Variants in GNAQ observed in about 807,000 individuals in gnomAD.
GNAQ encodes the protein G protein subunit alpha q.
Under a neutral mutation model 43.9 loss-of-function variants are expected in GNAQ, and 8 were observed. The ratio of observed to expected loss-of-function variants is 0.18; its 90% CI spans 0.11 to 0.33. The LOEUF (loss-of-function observed/expected upper bound fraction) is 0.33. GNAQ is among the 10% of genes least tolerant of loss of function. GNAQ has a pLI of 1.00. For missense variants in GNAQ, 158 were observed against 450.8 expected, an observed-to-expected ratio of 0.35 and a Z score of 5.88; for synonymous variants, 155 against 170.7, an observed-to-expected ratio of 0.91 and a Z score of 0.71.
At position 77,833,939 on chromosome 9, in the gene GNAQ, C is replaced by T. The variant is rs571614654; in HGVS notation, c.322-18169G>A. Among the ~76,000 whole-genome samples the T allele has an allele frequency of 4.6e-5, 7 of 152,150 alleles. No individual in the cohort carries two copies. The South Asian group carries it at 1.2e-3, about 27-fold the overall frequency. ...AGACAGTTTCCAAAATTCCCACAGT[C>T]TGATAAAATTAAAACCACATGGAAA... is the stretch of plus-strand genomic sequence containing the variant. On this transcript the variant is annotated intron_variant, in intron 2 of 6. Transcript: ENST00000286548.
chr9:77,814,978 G>C (rs1173849651), intron 3 of GNAQ, among the ~76,000 whole-genome samples: 2 of 152,214 alleles, frequency 1.3e-5, no homozygotes. Context: ...TTCTAGAGAA[G>C]TAATAGATTT....
At chr9:77,759,920 C>T (rs1353998433) in intron 5 of GNAQ, among the ~76,000 whole-genome samples, 34 of 144,764 alleles carry the variant, frequency 2.3e-4, no homozygotes, top group African/African-American at 6.9e-4. Flanking sequence ...TTTTTCTTTT[C>T]CTTTTTCTTT....
intron 5 of GNAQ, among the ~76,000 whole-genome samples, chr9:77,759,977 C>G (rs1825967236): frequency 7.0e-6 from 1 of 143,760 alleles, no homozygotes; most frequent in Non-Finnish European, 1.5e-5. Flanking sequence ...CCAGGCTGGT[C>G]TCAAACCCCT....
intron 5 of GNAQ, among the ~76,000 whole-genome samples, chr9:77,790,295 G>A (rs537393338): frequency 1.1e-4 from 17 of 152,008 alleles, no homozygotes; most frequent in Non-Finnish European, 2.1e-4. Context: ...TTTTAGTCAG[G>A]TTTTCCCCGC....
chr9:77,954,361 T>C (rs1587428712), intron 1 of GNAQ, among the ~76,000 whole-genome samples: 1 of 152,318 alleles, frequency 6.6e-6, no homozygotes, highest in East Asian at 1.9e-4. Flanking sequence ...CAAAAGAAGG[T>C]GTGCTAATAC....
intron 2 of GNAQ, among the ~76,000 whole-genome samples, chr9:77,848,410 A>G (rs553839759): frequency 1.3e-5 from 2 of 152,316 alleles, no homozygotes; most frequent in African/African-American, 4.8e-5. Flanking sequence ...TCTTCAAGCT[A>G]TTTCACTAGA....
At chr9:77,752,834 C>T (rs1489480280) in intron 5 of GNAQ, among the ~76,000 whole-genome samples, 1 of 152,062 alleles carries the variant, frequency 6.6e-6, no homozygotes, top group Non-Finnish European at 1.5e-5. Context: ...TGGCTTCAAT[C>T]CCAGCACTCT....
chr9:77,899,270 T>A (rs985291928), intron 2 of GNAQ, among the ~76,000 whole-genome samples: 4 of 152,222 alleles, frequency 2.6e-5, no homozygotes, highest in African/African-American at 9.6e-5. Flanking sequence ...CCAATTTTTT[T>A]ATTTTTAGTA....
intron 1 of GNAQ, among the ~76,000 whole-genome samples, chr9:77,973,278 C>T (rs1823260426): frequency 6.6e-6 from 1 of 152,194 alleles, no homozygotes; most frequent in Non-Finnish European, 1.5e-5. Flanking sequence ...GCTGAGCTAC[C>T]TGGCTCTACT....
intron 1 of GNAQ, among the ~76,000 whole-genome samples, chr9:77,979,643 A>G (rs1329516876): frequency 6.6e-6 from 1 of 152,164 alleles, no homozygotes; most frequent in Non-Finnish European, 1.5e-5. Flanking sequence ...GGGGAGACTG[A>G]ACTCTCTGGA....
intron 2 of GNAQ, among the ~76,000 whole-genome samples, chr9:77,825,095 A>G (rs184770854): frequency 9.9e-4 from 151 of 152,310 alleles, no homozygotes; most frequent in Non-Finnish European, 1.9e-3. Context: ...TCATGGCTAC[A>G]ATGGTGAATG....
chr9:78,013,931 G>C (rs1447631097), intron 1 of GNAQ, among the ~76,000 whole-genome samples: 2 of 152,114 alleles, frequency 1.3e-5, no homozygotes, highest in Non-Finnish European at 2.9e-5. Context: ...CTTAAAGTTT[G>C]CTGATGATCC....
At chr9:77,986,537 G>C (rs548325606) in intron 1 of GNAQ, among the ~76,000 whole-genome samples, 1 of 152,230 alleles carries the variant, frequency 6.6e-6, no homozygotes, top group Admixed American at 6.5e-5. Flanking sequence ...ACAGGGTCTC[G>C]TTCTGTCGCC....
chr9:77,907,836 T>C (rs1312171214), intron 2 of GNAQ, among the ~76,000 whole-genome samples: 2 of 152,164 alleles, frequency 1.3e-5, no homozygotes, highest in African/African-American at 4.8e-5. Flanking sequence ...TTTAGCTGGC[T>C]GAAGTGGTGG....
intron 1 of GNAQ, among the ~76,000 whole-genome samples, chr9:77,929,703 T>C (rs145771060): frequency 8.9e-4 from 136 of 152,138 alleles, no homozygotes; most frequent in African/African-American, 3.2e-3. Context: ...GGTGTGGTGA[T>C]GTGCGCCTGT....
chr9:77,970,045 G>A (rs1823217144), intron 1 of GNAQ, among the ~76,000 whole-genome samples: 1 of 152,066 alleles, frequency 6.6e-6, no homozygotes, highest in South Asian at 2.1e-4. Context: ...ATGGTGAAAC[G>A]CTGTCTCTAC....
intron 2 of GNAQ, among the ~76,000 whole-genome samples, chr9:77,843,245 G>A (rs138624101): frequency 0.013 from 1,989 of 152,238 alleles, 32 homozygotes; most frequent in African/African-American, 0.039. Context: ...CTTGAGCCAT[G>A]CGGATATCTG....
chr9:77,739,137 C>T (rs1019394943), intron 5 of GNAQ, among the ~76,000 whole-genome samples: 1 of 152,104 alleles, frequency 6.6e-6, no homozygotes, highest in Non-Finnish European at 1.5e-5. Flanking sequence ...TGAACTTACT[C>T]GTTTGATTGT....
At chr9:77,946,368 A>G (rs910806357) in intron 1 of GNAQ, among the ~76,000 whole-genome samples, 3 of 152,238 alleles carry the variant, frequency 2.0e-5, no homozygotes, top group African/African-American at 7.2e-5. Flanking sequence ...CTATGTCAAT[A>G]AAGGATTGAG....
Sources: allele counts gnomAD v4.1 joint callset (sites outside exome capture counted in the v4.1 genomes callset), GRCh38; gene constraint gnomAD v4.1.1; transcripts MANE v1.5; gene names NCBI Gene and HGNC (gene_info 2026-07-23, HGNC 2026-07-21).